Variants in ADAMTSL3 observed in about 807,000 individuals in gnomAD.
ADAMTSL3 encodes ADAMTS-like protein 3.
ADAMTSL3 carries 128 observed loss-of-function variants against 201.7 expected under a neutral mutation model. The ratio of observed to expected loss-of-function variants is 0.63; its 90% CI spans 0.55 to 0.73. The LOEUF (loss-of-function observed/expected upper bound fraction) is 0.73. Ranked by LOEUF, ADAMTSL3 falls within the 30% of genes least tolerant of loss-of-function variation. The pLI is 0.00. For synonymous variants in ADAMTSL3, 738 were observed against 748.4 expected (o/e 0.99, Z 0.23); for missense variants, 1,990 against 2,119.6 (o/e 0.94, Z 1.20).
intron 19 of ADAMTSL3, among the ~76,000 whole-genome samples, chr15:83,949,895 A>G (rs1385194641): frequency 6.6e-6 from 1 of 151,762 alleles, no homozygotes; most frequent in Admixed American, 6.6e-5. Context: ...TGAGCCCCTT[A>G]TATGTTCTGG....
At chr15:83,662,934 C>CACTCACATCCAA (rs1424988642) in intron 2 of ADAMTSL3, among the ~76,000 whole-genome samples, 4 of 152,198 alleles carry the variant, frequency 2.6e-5, no homozygotes, top group African/African-American at 9.6e-5. Flanking sequence ...CTCTGGGTAG[C>CACTCACATCCAA]AGATGTGAGT....
chr15:83,762,057 T>C (rs2062815607), intron 3 of ADAMTSL3, among the ~76,000 whole-genome samples: 1 of 111,350 alleles, frequency 9.0e-6, no homozygotes, highest in Admixed American at 7.9e-5. Context: ...CAGAATATGA[T>C]TTTTTTTTTT....
At chr15:83,995,575 G>T (rs1288704781) in intron 23 of ADAMTSL3, among the ~76,000 whole-genome samples, 2 of 151,850 alleles carry the variant, frequency 1.3e-5, no homozygotes, top group African/African-American at 2.4e-5. Context: ...TAGAAAATTA[G>T]AAACCAAGAC....
At chr15:83,724,023 T>A (rs1459751743) in intron 3 of ADAMTSL3, among the ~76,000 whole-genome samples, 2 of 152,008 alleles carry the variant, frequency 1.3e-5, no homozygotes, top group Non-Finnish European at 2.9e-5. Flanking sequence ...TTTAATAGTG[T>A]CCACTTTTTT....
intron 15 of ADAMTSL3, among the ~76,000 whole-genome samples, chr15:83,908,786 T>C (rs2065884205): frequency 6.6e-6 from 1 of 152,188 alleles, no homozygotes; most frequent in Non-Finnish European, 1.5e-5. Context: ...ACAACACAAA[T>C]GTATTATCCC....
chr15:83,793,954 A>G (rs1353449663), intron 4 of ADAMTSL3, among the ~76,000 whole-genome samples: 1 of 152,228 alleles, frequency 6.6e-6, no homozygotes, highest in Non-Finnish European at 1.5e-5. Context: ...GAACTCTCAA[A>G]TATCAACAAT....
At chr15:83,942,000 T>A (rs2066570551) in intron 17 of ADAMTSL3, among the ~76,000 whole-genome samples, 1 of 152,188 alleles carries the variant, frequency 6.6e-6, no homozygotes, top group South Asian at 2.1e-4. Context: ...GAGTGTAAAT[T>A]GGGAGAATCT....
At chr15:84,026,017 TA>T (rs2068298879) in intron 27 of ADAMTSL3, among the ~76,000 whole-genome samples, 1 of 152,210 alleles carries the variant, frequency 6.6e-6, no homozygotes, top group Non-Finnish European at 1.5e-5. Flanking sequence ...TTTGTGGAAT[TA>T]AAGATAATTC....
intron 3 of ADAMTSL3, among the ~76,000 whole-genome samples, chr15:83,765,626 A>G (rs1438937031): frequency 6.6e-6 from 1 of 152,200 alleles, no homozygotes; most frequent in African/African-American, 2.4e-5. Context: ...AGTCTTTATG[A>G]GATGGTGAAC....
rs145954503 is a variant in ADAMTSL3, at chr15:83,845,152, C to T, written c.727+6937C>T. Among the ~76,000 whole-genome samples, 1,276 of 152,372 alleles carry T rather than the reference C, an allele frequency of 8.4e-3. 17 individuals carry two copies. Among genetic ancestry groups the T allele is most frequent in the Non-Finnish European group, 0.011 (745 of 68,036 alleles). On this transcript the variant is annotated intron_variant, in intron 7 of 29. Coordinates refer to ENST00000286744, the MANE Select transcript of ADAMTSL3 (RefSeq NM_207517.3). ...CACAAGTGTCGCCTCCTCAGAGAGGCTTTCTTTGACCACTCTACGTAAAGT... is the reference window on the plus strand; with the variant it reads ...CACAAGTGTCGCCTCCTCAGAGAGGTTTTCTTTGACCACTCTACGTAAAGT...
intron 2 of ADAMTSL3, among the ~76,000 whole-genome samples, chr15:83,691,603 C>A (rs1043096800): frequency 2.0e-4 from 30 of 152,258 alleles, no homozygotes; most frequent in African/African-American, 7.2e-4. Flanking sequence ...AACCAAGTTA[C>A]ATTTTCTTTT....
rs529729165 is a variant in ADAMTSL3 at position 83,654,675 on chromosome 15, G to C, written c.-34+399G>C. ...CCAGAACGCCGGGGGTTGAGGCGAC[G>C]CGCGATCGTGGAAAGTGGGCGTGGG... On this transcript the variant is annotated intron_variant, in intron 1 of 29. Transcript: ENST00000286744. This position sits in a 1 kb window ranked among gnomAD's most constrained non-coding sequence, Gnocchi z 5.3. 2.0e-4 allele frequency among the ~76,000 whole-genome samples: 31 copies of C among 152,246 alleles called. No individual in the cohort carries two copies. Among genetic ancestry groups the C allele is most frequent in the African/African-American group, 7.5e-4 (31 of 41,568 alleles).
chr15:83,860,942 C>T (rs931471753), intron 8 of ADAMTSL3, among the ~76,000 whole-genome samples: 66 of 152,294 alleles, frequency 4.3e-4, no homozygotes, highest in Admixed American at 1.4e-3. Context: ...ACAGACGGCA[C>T]CTGGAAAATC....
intron 8 of ADAMTSL3, among the ~76,000 whole-genome samples, chr15:83,869,182 C>G (rs555015864): frequency 1.8e-3 from 275 of 152,220 alleles, no homozygotes; most frequent in African/African-American, 6.4e-3. Flanking sequence ...AACTTTGCAT[C>G]TTAATATTGC....
chr15:83,986,264 A>T (rs549561832), intron 21 of ADAMTSL3, among the ~76,000 whole-genome samples: 3 of 152,180 alleles, frequency 2.0e-5, no homozygotes, highest in African/African-American at 4.8e-5. Context: ...GGTTGAAGTG[A>T]TCTGTTGACC....
intron 3 of ADAMTSL3, among the ~76,000 whole-genome samples, chr15:83,760,403 A>G (rs899955263): frequency 2.6e-5 from 4 of 152,158 alleles, no homozygotes; most frequent in Non-Finnish European, 4.4e-5. Flanking sequence ...AGACTTTTCT[A>G]TATGGCTCAG....
At chr15:83,792,248 G>A (rs1303300503) in intron 4 of ADAMTSL3, among the ~76,000 whole-genome samples, 1 of 152,102 alleles carries the variant, frequency 6.6e-6, no homozygotes, top group East Asian at 1.9e-4. Flanking sequence ...GAACATGGAA[G>A]ACAGTATTTA....
chr15:84,037,893 A>C lies in ADAMTSL3; in HGVS notation c.*87A>C. ...CCATGTCGCTGATTCAAAAACATGTATTTCTTAAAAGACTAGATTCTATGG... is the reference window on the plus strand; with the variant it reads ...CCATGTCGCTGATTCAAAAACATGTCTTTCTTAAAAGACTAGATTCTATGG... On this transcript the variant is annotated 3_prime_UTR_variant, in exon 30 of 30. Transcript: ENST00000286744. 8.0e-6 allele frequency: 12 copies of C among 1,493,280 alleles called. No homozygotes were observed. The highest frequency in any genetic ancestry group is 2.6e-5 in the Admixed American group (1 of 38,926). The allele number at this position is 1,493,280 out of a possible 1,614,324, so 92.5% of individuals were successfully genotyped here.
intron 25 of ADAMTSL3, among the ~76,000 whole-genome samples, chr15:84,018,376 G>A (rs922997378): frequency 1.3e-5 from 2 of 152,176 alleles, no homozygotes; most frequent in African/African-American, 4.8e-5. Context: ...CCTAGTGTTG[G>A]ACAGGGTGGT....
Sources: gnomAD v4.1 joint callset for allele counts (sites outside exome capture counted in the v4.1 genomes callset) on GRCh38, gnomAD v4.1.1 for gene constraint, Gnocchi (gnomAD v3.1) non-coding constraint, MANE v1.5 for transcripts, NCBI Gene and HGNC (gene_info 2026-07-23, HGNC 2026-07-21) for gene names.